The following NTM variants were observed in gnomAD, a reference collection of about 807,000 sequenced individuals.
NTM encodes the protein neurotrimin.
NTM carries 13 observed loss-of-function variants against 42.1 expected under a neutral mutation model. The ratio of observed to expected loss-of-function variants is 0.31; its 90% CI spans 0.20 to 0.49. The LOEUF is 0.49. Ranked by LOEUF, NTM falls within the 20% of genes least tolerant of loss-of-function variation. The pLI, the probability that NTM is intolerant of heterozygous loss-of-function variation, is 0.99. For synonymous variants in NTM, 187 were observed against 179.2 expected (o/e 1.04, Z -0.35); for missense variants, 373 against 452.8 (o/e 0.82, Z 1.60).
chr11:132,327,646 C>T (rs770337158), intron 7 of NTM, among the ~76,000 whole-genome samples: 2 of 152,182 alleles, frequency 1.3e-5, no homozygotes, highest in East Asian at 1.9e-4. Context: ...TCTGGACACT[C>T]GGATTCAGCC....
chr11:131,485,278 A>T (rs995813020), intron 1 of NTM, among the ~76,000 whole-genome samples: 13 of 149,862 alleles, frequency 8.7e-5, no homozygotes, highest in African/African-American at 3.0e-4. Flanking sequence ...AGGATGAAGG[A>T]TGAAGGCTGT....
chr11:131,703,992 C>T (rs2135210323), intron 1 of NTM, among the ~76,000 whole-genome samples: 1 of 152,298 alleles, frequency 6.6e-6, no homozygotes, highest in South Asian at 2.1e-4. Flanking sequence ...TTTAGACCCA[C>T]TTCAGCACCC....
chr11:132,094,965 G>A (rs901953749), intron 2 of NTM, among the ~76,000 whole-genome samples: 1 of 152,182 alleles, frequency 6.6e-6, no homozygotes, highest in African/African-American at 2.4e-5. Context: ...AGCTTTTAGT[G>A]GTTAGGGAGT....
chr11:131,733,694 C>A (rs920438392), intron 1 of NTM, among the ~76,000 whole-genome samples: 1 of 152,080 alleles, frequency 6.6e-6, no homozygotes, highest in Non-Finnish European at 1.5e-5. Flanking sequence ...CGCCACTATG[C>A]CTGGCTAATT....
intron 1 of NTM, among the ~76,000 whole-genome samples, chr11:131,706,186 T>G (rs2076571394): frequency 6.6e-6 from 1 of 151,928 alleles, no homozygotes; most frequent in African/African-American, 2.4e-5. Flanking sequence ...GGAGTGGCTA[T>G]ACTTATACTG....
chr11:131,868,608 T>A (rs1005555674), intron 1 of NTM, among the ~76,000 whole-genome samples: 3 of 152,204 alleles, frequency 2.0e-5, no homozygotes, highest in African/African-American at 4.8e-5. Context: ...GCCCTCCCTC[T>A]TCGAGAGCCA....
intron 2 of NTM, among the ~76,000 whole-genome samples, chr11:132,085,100 A>G (rs2059540279): frequency 6.6e-6 from 1 of 152,244 alleles, no homozygotes; most frequent in Non-Finnish European, 1.5e-5. Flanking sequence ...GAAACCTTCT[A>G]TAACTTGTTT....
intron 1 of NTM, among the ~76,000 whole-genome samples, chr11:131,412,122 C>T (rs1210535262): frequency 6.6e-6 from 1 of 152,108 alleles, no homozygotes; most frequent in African/African-American, 2.4e-5. Context: ...ACCCTAAGAG[C>T]TATACATTTT....
rs2095870784 is a variant in NTM at position 132,336,185 on chromosome 11, T to C, written c.*1039T>C. 6.6e-6 allele frequency: 1 copy of C among 152,574 alleles called. No individual in the cohort carries two copies. The highest frequency in any genetic ancestry group is 2.4e-5 in the African/African-American group (1 of 41,416). 9.5% of individuals were successfully genotyped at this position (152,574 alleles called of 1,614,324 possible). ...ATATATTATACAGTATATATATACA[T>C]ATATTTTTTTTGTTAGAGTTCTAGC... On this transcript the variant is annotated 3_prime_UTR_variant, in exon 9 of 9. Transcript: ENST00000683400.
chr11:131,497,377 C>CG (rs1565565053), intron 1 of NTM, among the ~76,000 whole-genome samples: 1 of 78,252 alleles, frequency 1.3e-5, no homozygotes, highest in Non-Finnish European at 2.7e-5. Context: ...TTAGTAGAGA[C>CG]GGGGTTTCAC....
chr11:131,796,218 C>G, intron 1 of NTM: 1 of 965,488 alleles, frequency 1.0e-6, no homozygotes, highest in Non-Finnish European at 1.2e-6. Context: ...AAACTAGAAC[C>G]TGTACCTGTG....
At chr11:131,944,090 G>T (rs993137568) in intron 2 of NTM, among the ~76,000 whole-genome samples, 1 of 151,976 alleles carries the variant, frequency 6.6e-6, no homozygotes, top group Non-Finnish European at 1.5e-5. Flanking sequence ...CTTAGAAAAC[G>T]GCTAGTAATT....
intron 2 of NTM, among the ~76,000 whole-genome samples, chr11:132,059,787 G>C: frequency 6.9e-6 from 1 of 144,244 alleles, no homozygotes; most frequent in Non-Finnish European, 1.5e-5. Context: ...AGCCTGGTTT[G>C]TTTCTTCAGG....
chr11:132,175,193 C>T (rs1234480100), intron 3 of NTM, among the ~76,000 whole-genome samples: 1 of 152,058 alleles, frequency 6.6e-6, no homozygotes, highest in Non-Finnish European at 1.5e-5. Flanking sequence ...ACTTGGTTCT[C>T]AGCAATGGTG....
chr11:131,574,435 G>T (rs975172964), intron 1 of NTM, among the ~76,000 whole-genome samples: 9 of 152,186 alleles, frequency 5.9e-5, no homozygotes, highest in African/African-American at 2.2e-4. Flanking sequence ...CCCAGATGGT[G>T]GTGATGTGAC....
At chr11:131,669,820 C>T (rs1048583591) in intron 1 of NTM, among the ~76,000 whole-genome samples, 3 of 152,140 alleles carry the variant, frequency 2.0e-5, no homozygotes, top group Non-Finnish European at 2.9e-5. Context: ...CCTGCAGCTC[C>T]GTGGTAATAA....
intron 1 of NTM, among the ~76,000 whole-genome samples, chr11:131,647,784 CAG>C (rs2065949349): frequency 6.6e-6 from 1 of 152,076 alleles, no homozygotes; most frequent in Non-Finnish European, 1.5e-5. Flanking sequence ...GGACCCAAAA[CAG>C]AAGAAAAAGT....
intron 1 of NTM, among the ~76,000 whole-genome samples, chr11:131,398,240 A>G (rs1262361160): frequency 6.6e-6 from 1 of 152,150 alleles, no homozygotes; most frequent in Non-Finnish European, 1.5e-5. Flanking sequence ...TTTAGAACCG[A>G]AAGGGCTTTG....
At chr11:131,755,236 G>A (rs761620147) in intron 1 of NTM, among the ~76,000 whole-genome samples, 2 of 152,092 alleles carry the variant, frequency 1.3e-5, no homozygotes, top group Non-Finnish European at 2.9e-5. Flanking sequence ...ACACAGCATG[G>A]CACACAAGTT....
Sources: gnomAD v4.1 joint callset for allele counts (sites outside exome capture counted in the v4.1 genomes callset) on GRCh38, gnomAD v4.1.1 for gene constraint, MANE v1.5 for transcripts, NCBI Gene and HGNC (gene_info 2026-07-23, HGNC 2026-07-21) for gene names.